Variants in ILDR1 observed in about 807,000 individuals in gnomAD.
ILDR1 encodes the protein immunoglobulin like domain containing receptor 1.
ILDR1 carries 56 observed loss-of-function variants against 62.4 expected under a neutral mutation model. That is an observed-to-expected ratio of 0.90 (90% CI 0.72 to 1.12). The LOEUF is 1.12. Ranked by LOEUF, ILDR1 falls within the 50% of genes most tolerant of loss-of-function variation. The pLI is 0.00. For missense variants in ILDR1, 736 were observed against 710.6 expected (o/e 1.04, Z -0.41); for synonymous variants, 284 against 277.8 (o/e 1.02, Z -0.22).
chr3:122,048,073 C>G, the ILDR1 span, among the ~76,000 whole-genome samples: 1 of 152,232 alleles, frequency 6.6e-6, no homozygotes, highest in African/African-American at 2.4e-5. Context: ...AAGTGTGATG[C>G]TAGCAGTGGG....
At chr3:122,041,160 T>C in the ILDR1 span, among the ~76,000 whole-genome samples, 1 of 152,218 alleles carries the variant, frequency 6.6e-6, no homozygotes, top group African/African-American at 2.4e-5. Flanking sequence ...GTGCTTTGAA[T>C]GTATCCCCCC....
the ILDR1 span, among the ~76,000 whole-genome samples, chr3:122,045,722 C>T: frequency 6.7e-6 from 1 of 150,130 alleles, no homozygotes; most frequent in African/African-American, 2.4e-5. Context: ...TCTGTTTTAT[C>T]AGAGACTAGG....
Position 122,017,697 on chromosome 3 carries a change from A to G in ILDR1, c.58+4323T>C, listed in dbSNP as rs532361657. ...CAAAGAACTTAAACAAATTTACAAG[A>G]AAAAAGCAAACAACCCCATCAAAAA... On this transcript the variant is annotated intron_variant, in intron 1 of 7. Transcript: ENST00000344209. 1.2e-4 allele frequency among the ~76,000 whole-genome samples: 18 copies of G among 152,372 alleles called. No homozygotes were observed. In the East Asian group the frequency reaches 3.5e-3, roughly 29 times the overall value.
chr3:121,993,536 T>C lies in ILDR1; in HGVS notation c.1213A>G (p.Ser405Gly), dbSNP rs755222638. The change falls in exon 7 of 8, where the codon AGC (serine) becomes GGC (glycine). Residue 405 changes from serine to glycine, a missense_variant. Physicochemically the swap from Ser to Gly is moderately conservative, Grantham distance 56. Transcript: ENST00000344209. ...ATGGGTGACCCATTCAGCCTAGAGC[T>C]ACGGTGCCTTCCACTCCACGATGGG... is the stretch of plus-strand genomic sequence containing the variant. ...LDPSWSGRHR[S>G]SRLNGSPIHW... The C allele has an allele frequency of 1.2e-6, 2 of 1,614,242 alleles. No homozygotes were observed. Among genetic ancestry groups the C allele is most frequent in the African/African-American group, 1.3e-5 (1 of 75,062 alleles).
chr3:122,050,675 T>C, the ILDR1 span, among the ~76,000 whole-genome samples: 68,454 of 151,670 alleles, frequency 0.45, 16,478 homozygotes, highest in East Asian at 0.73. Flanking sequence ...TTAAGTGATT[T>C]ACACAATACT....
At chr3:122,037,544 G>A in the ILDR1 span, among the ~76,000 whole-genome samples, 1 of 152,150 alleles carries the variant, frequency 6.6e-6, no homozygotes, top group Non-Finnish European at 1.5e-5. Context: ...ATTTACCCAA[G>A]GCCTGTACCC....
At chr3:122,004,658 C>T (rs1346014144) in intron 3 of ILDR1, among the ~76,000 whole-genome samples, 2 of 152,132 alleles carry the variant, frequency 1.3e-5, no homozygotes, top group African/African-American at 4.8e-5. Flanking sequence ...GAGGAAGATA[C>T]CATGATGCCT....
chr3:122,055,082 T>C, the ILDR1 span, among the ~76,000 whole-genome samples: 1 of 152,196 alleles, frequency 6.6e-6, no homozygotes, highest in Non-Finnish European at 1.5e-5. Flanking sequence ...TGCCTCTTTA[T>C]TCTATTTTGT....
chr3:122,045,902 A>C, the ILDR1 span, among the ~76,000 whole-genome samples: 36 of 150,928 alleles, frequency 2.4e-4, no homozygotes, highest in African/African-American at 4.9e-4. Flanking sequence ...TTAATTGGAG[A>C]ATTTAGTCCA....
At chr3:121,993,070 C>G in intron 7 of ILDR1, 80 bp downstream of exon 7, 1 of 1,165,014 alleles carries the variant, frequency 8.6e-7, no homozygotes, top group South Asian at 1.3e-5. Flanking sequence ...TGAGAGGCAG[C>G]CTGTGTTGGC....
the ILDR1 span, among the ~76,000 whole-genome samples, chr3:122,034,413 G>C: frequency 6.6e-6 from 1 of 152,128 alleles, no homozygotes; most frequent in Non-Finnish European, 1.5e-5. Context: ...GAATCCCTAA[G>C]AGAACTGAGG....
chr3:122,049,914 C>T, the ILDR1 span, among the ~76,000 whole-genome samples: 1 of 152,332 alleles, frequency 6.6e-6, no homozygotes, highest in African/African-American at 2.4e-5. Context: ...GAGGTTACAG[C>T]AAGAAAGCCT....
chr3:122,008,918 TTTTC>T (rs988155406), intron 1 of ILDR1, among the ~76,000 whole-genome samples: 14 of 149,064 alleles, frequency 9.4e-5, no homozygotes, highest in African/African-American at 2.5e-4. Context: ...GGCCTTCTTT[TTTTC>T]TTTCTTTCTT....
chr3:121,993,966 C>T lies in ILDR1; in HGVS notation c.783G>A (p.Leu261=), dbSNP rs548615868. 1.0e-4 allele frequency: 167 copies of T among 1,608,694 alleles called. 1 individual carries two copies. Among genetic ancestry groups the T allele is most frequent in the Non-Finnish European group, 1.4e-4 (163 of 1,179,880 alleles). ...TCTGCGGGAGGCTGGACGGCAGGGA[C>T]AAATCTGAATGGAAACAAGGACAGG... The part of the protein sequence containing the change: ...YPMHPLLQRD[L]SLPSSLPQMP... The change falls in exon 7 of 8, where the codon TTG becomes TTA. Residue 261 remains leucine, a synonymous_variant. Transcript: ENST00000344209.
At chr3:122,022,298 C>A (rs1398710445), upstream of ILDR1, 3 of 442,396 alleles carry the variant, frequency 6.8e-6, no homozygotes, top group Non-Finnish European at 1.2e-5. Flanking sequence ...CCGCCCCGCG[C>A]GCCGCCGTTT....
rs1417653713 is a variant in ILDR1, at chr3:122,005,202, TC to T, written c.379+41del. 66 of 1,216,066 alleles carry T rather than the reference TC, an allele frequency of 5.4e-5. 1 individual carries two copies. The highest frequency in any genetic ancestry group is 7.3e-5 in the East Asian group (3 of 40,904). 75.3% of individuals were successfully genotyped at this position (1,216,066 alleles called of 1,614,324 possible). ...GCCTGCCAGGCCTGGTGTCTGCACC[TC>T]CCCCCACCCCCAGTTCCCCTGACAC... is the stretch of plus-strand genomic sequence containing the variant. On this transcript the variant is annotated intron_variant, in intron 3 of 7. Coordinates refer to ENST00000344209, the MANE Select transcript of ILDR1 (RefSeq NM_001199799.2).
chr3:122,005,213 C>CCCCCCA, intron 3 of ILDR1, 31 bp downstream of exon 3: 1 of 1,268,180 alleles, frequency 7.9e-7, no homozygotes, highest in Non-Finnish European at 1.1e-6. Flanking sequence ...CCCCCCACCC[C>CCCCCCA]CAGTTCCCCT....
chr3:122,007,974 T>C (rs2071641596), intron 1 of ILDR1, among the ~76,000 whole-genome samples: 2 of 152,218 alleles, frequency 1.3e-5, no homozygotes, highest in Non-Finnish European at 2.9e-5. Flanking sequence ...GTCTGCTAAC[T>C]GTGGGCTCAG....
chr3:121,990,346 A>C (rs1358152245), intron 7 of ILDR1, among the ~76,000 whole-genome samples: 1 of 152,236 alleles, frequency 6.6e-6, no homozygotes, highest in Non-Finnish European at 1.5e-5. Flanking sequence ...TCACTGTCAG[A>C]ATATGAATGG....
Sources: gnomAD v4.1 joint callset for allele counts (sites outside exome capture counted in the v4.1 genomes callset) on GRCh38, gnomAD v4.1.1 for gene constraint, MANE v1.5 for transcripts, NCBI Gene and HGNC (gene_info 2026-07-23, HGNC 2026-07-21) for gene names.